PIK3AP1: variants seen among roughly 807,000 people sequenced by gnomAD.
PIK3AP1 encodes phosphoinositide-3-kinase adaptor protein 1.
In PIK3AP1, 21 loss-of-function variants were observed where a neutral mutation model predicts 88.1. The ratio of observed to expected loss-of-function variants is 0.24; its 90% CI spans 0.17 to 0.34. PIK3AP1 has a LOEUF of 0.34. PIK3AP1 is among the 10% of genes least tolerant of loss of function. The probability of loss-of-function intolerance (pLI) is 1.00; values close to 1 mark genes in which losing one functional copy is unlikely to be tolerated. For synonymous variants in PIK3AP1, 398 were observed against 400.0 expected (o/e 1.00, Z 0.06); for missense variants, 828 against 1,035.7 (o/e 0.80, Z 2.75).
At chr10:96,713,269 A>G (rs1282213817) in intron 1 of PIK3AP1, among the ~76,000 whole-genome samples, 2 of 151,762 alleles carry the variant, frequency 1.3e-5, no homozygotes, top group African/African-American at 4.8e-5. Flanking sequence ...AGGCCGAGGC[A>G]GGCAGATCAC....
chr10:96,685,334 G>A (rs1844053969), intron 2 of PIK3AP1, among the ~76,000 whole-genome samples: 2 of 152,150 alleles, frequency 1.3e-5, no homozygotes, highest in Non-Finnish European at 2.9e-5. Context: ...CCCCCATCCT[G>A]GTACTTCATT....
chr10:96,626,461 G>T (rs527772633), intron 10 of PIK3AP1, among the ~76,000 whole-genome samples: 1 of 152,262 alleles, frequency 6.6e-6, no homozygotes, highest in Admixed American at 6.5e-5. Flanking sequence ...ATATATCAGG[G>T]GTCTTGTTTA....
chr10:96,708,301 G>A (rs1487745846), intron 2 of PIK3AP1, among the ~76,000 whole-genome samples: 2 of 152,154 alleles, frequency 1.3e-5, no homozygotes, highest in South Asian at 2.1e-4. Context: ...GAGGCTAGGC[G>A]TGGTGGCTCA....
chr10:96,633,294 G>T (rs914260916), intron 8 of PIK3AP1: 1 of 411,668 alleles, frequency 2.4e-6, no homozygotes, highest in Admixed American at 4.3e-5. Flanking sequence ...CTCTTACCAG[G>T]TTACCGGGGT....
chr10:96,711,855 A>T (rs1181436174), intron 1 of PIK3AP1, among the ~76,000 whole-genome samples: 1 of 140,802 alleles, frequency 7.1e-6, no homozygotes, highest in Non-Finnish European at 1.5e-5. Context: ...GGTTCACGCC[A>T]TTCTCCTGTC....
rs368405753 is a variant in PIK3AP1 at position 96,619,297 on chromosome 10, C to G, written c.1941+1055G>C. ...GACAGGCTCCTATCTCAGCCCTGGA[C>G]GGGTGCTGCTTACTCCCCGCCTTGA... On this transcript the variant is annotated intron_variant, in intron 12 of 16. Transcript: ENST00000339364. 3 of 152,194 alleles carry G rather than the reference C, an allele frequency of 2.0e-5. No individual in the cohort carries two copies. In the East Asian group the frequency reaches 5.8e-4, roughly 29 times the overall value. The allele number at this position is 152,194 out of a possible 1,614,324, so 9.4% of individuals were successfully genotyped here. A position where few individuals can be genotyped will look rare whatever the true frequency, so the allele number is the denominator to read the frequency against.
intron 10 of PIK3AP1, among the ~76,000 whole-genome samples, chr10:96,624,525 A>G (rs539002585): frequency 3.0e-4 from 46 of 152,262 alleles, no homozygotes; most frequent in African/African-American, 8.4e-4. Flanking sequence ...TGAGGAAACT[A>G]AAGCTAAAAA....
chr10:96,654,550 C>T (rs1208009798), intron 3 of PIK3AP1, among the ~76,000 whole-genome samples: 1 of 152,196 alleles, frequency 6.6e-6, no homozygotes, highest in Non-Finnish European at 1.5e-5. Context: ...GTCCCACCTA[C>T]ACCTTCTGCC....
intron 14 of PIK3AP1, among the ~76,000 whole-genome samples, chr10:96,604,584 A>G (rs1384751548): frequency 6.6e-6 from 1 of 152,164 alleles, no homozygotes; most frequent in Admixed American, 6.6e-5. Flanking sequence ...CATTACTGCT[A>G]CCATTGACTG....
chr10:96,671,072 A>G (rs1171027578), intron 2 of PIK3AP1, among the ~76,000 whole-genome samples: 1 of 152,238 alleles, frequency 6.6e-6, no homozygotes, highest in Non-Finnish European at 1.5e-5. Context: ...TCTCTTGTTT[A>G]CACTGCATTT....
chr10:96,629,939 G>GAAAAAA (rs1220464470), intron 8 of PIK3AP1, among the ~76,000 whole-genome samples: 1 of 57,358 alleles, frequency 1.7e-5, no homozygotes. Context: ...AAAAGAAGAA[G>GAAAAAA]AAGAAGAAGA....
At chr10:96,629,909 C>CAAAAAAAAAAAAAAAAAAAA (rs66669261) in intron 8 of PIK3AP1, among the ~76,000 whole-genome samples, 1 of 5,414 alleles carries the variant, frequency 1.8e-4, no homozygotes, top group African/African-American at 2.5e-4. Context: ...CAACAACAAC[C>CAAAAAAAAAAAAAAAAAAAA]AAAAAAAAAA....
intron 2 of PIK3AP1, among the ~76,000 whole-genome samples, chr10:96,692,296 C>T (rs1173570184): frequency 6.6e-6 from 1 of 152,200 alleles, no homozygotes; most frequent in Admixed American, 6.5e-5. Flanking sequence ...TATATTGTGG[C>T]TGGGTGCAGT....
At position 96,656,738 on chromosome 10, in the gene PIK3AP1, G is replaced by A; in HGVS notation, c.567+60C>T. On this transcript the variant is annotated intron_variant, in intron 3 of 16. Coordinates refer to ENST00000339364, the MANE Select transcript of PIK3AP1 (RefSeq NM_152309.3). ...AACCACTCTCTTTACTGCAACAAATGCATGCATTTGAAAAGCCCAAGTGCT... is the reference window on the plus strand; with the variant it reads ...AACCACTCTCTTTACTGCAACAAATACATGCATTTGAAAAGCCCAAGTGCT... The A allele has an allele frequency of 3.8e-6, 6 of 1,596,106 alleles. No individual in the cohort carries two copies. The South Asian group carries it at 4.4e-5, about 12-fold the overall frequency.
At chr10:96,699,907 C>T (rs765337959) in intron 2 of PIK3AP1, among the ~76,000 whole-genome samples, 41 of 152,188 alleles carry the variant, frequency 2.7e-4, no homozygotes, top group Non-Finnish European at 5.4e-4. Context: ...AAGAGGGTAA[C>T]ACAGATGTCA....
intron 2 of PIK3AP1, among the ~76,000 whole-genome samples, chr10:96,702,264 G>A (rs1844306782): frequency 6.6e-6 from 1 of 152,142 alleles, no homozygotes; most frequent in Non-Finnish European, 1.5e-5. Flanking sequence ...AGTTCAGGAG[G>A]CCGAGGCGGG....
At chr10:96,691,588 G>A (rs1028948253) in intron 2 of PIK3AP1, among the ~76,000 whole-genome samples, 6 of 152,238 alleles carry the variant, frequency 3.9e-5, no homozygotes, top group African/African-American at 1.2e-4. Flanking sequence ...ACTGGGGCCA[G>A]TGTTCCAGCC....
rs1164638133 is a variant in PIK3AP1 at position 96,620,259 on chromosome 10, G to A, written c.1941+93C>T. 7.0e-6 allele frequency: 9 copies of A among 1,294,782 alleles called. No individual in the cohort carries two copies. In the East Asian group the frequency reaches 1.9e-4, roughly 27 times the overall value. The allele number at this position is 1,294,782 out of a possible 1,614,324, so 80.2% of individuals were successfully genotyped here. The stretch of plus-strand genomic sequence containing the variant: ...CGCAGGCACAGCCACAGGTGTCCAG[G>A]TACAGCAATACACAAGACAGCCATG... On this transcript the variant is annotated intron_variant, in intron 12 of 16. Coordinates refer to ENST00000339364, the MANE Select transcript of PIK3AP1 (RefSeq NM_152309.3).
Position 96,595,505 on chromosome 10 carries a change from TGAA to T in PIK3AP1, c.*69_*71del. The stretch of plus-strand genomic sequence containing the variant: ...AACAGTCATGCTATAAAACTCAACA[TGAA>T]GACATCATTAACAGGCTGAAGACTG... On this transcript the variant is annotated 3_prime_UTR_variant, in exon 17 of 17. Coordinates refer to ENST00000339364, the MANE Select transcript of PIK3AP1 (RefSeq NM_152309.3). The T allele has an allele frequency of 6.9e-7, 1 of 1,452,120 alleles. No homozygotes were observed. The highest frequency in any genetic ancestry group is 9.7e-7 in the Non-Finnish European group (1 of 1,035,908). 90.0% of individuals were successfully genotyped at this position (1,452,120 alleles called of 1,614,324 possible).
Sources: gnomAD v4.1 joint callset for allele counts (sites outside exome capture counted in the v4.1 genomes callset) on GRCh38, gnomAD v4.1.1 for gene constraint, MANE v1.5 for transcripts, NCBI Gene and HGNC (gene_info 2026-07-23, HGNC 2026-07-21) for gene names.